Variants in SLC12A6 observed in about 807,000 individuals in gnomAD.
The protein encoded by SLC12A6 is K-Cl cotransporter 3.
A neutral mutation model predicts 135.3 loss-of-function variants in SLC12A6; 66 were observed. The ratio of observed to expected loss-of-function variants is 0.49; its 90% CI spans 0.40 to 0.60. The LOEUF (loss-of-function observed/expected upper bound fraction) is 0.60. Among genes scored for constraint, SLC12A6 ranks in the 20% least tolerant of loss-of-function variants. The pLI, the probability that SLC12A6 is intolerant of heterozygous loss-of-function variation, is 0.00. For synonymous variants in SLC12A6, 513 were observed against 508.8 expected, an observed-to-expected ratio of 1.01 and a Z score of -0.11; for missense variants, 1,058 against 1,452.3, an observed-to-expected ratio of 0.73 and a Z score of 4.41.
At chr15:34,307,053 G>T (rs1896648285) in intron 2 of SLC12A6, among the ~76,000 whole-genome samples, 1 of 152,160 alleles carries the variant, frequency 6.6e-6, no homozygotes, top group African/African-American at 2.4e-5. Flanking sequence ...AGAAACTTCT[G>T]GGGGTGACGA....
intron 3 of SLC12A6, among the ~76,000 whole-genome samples, chr15:34,261,416 C>G (rs1363616993): frequency 6.6e-6 from 1 of 152,110 alleles, no homozygotes; most frequent in African/African-American, 2.4e-5. Context: ...CCTGTCTCAG[C>G]CTTGAAGTAG....
At position 34,245,875 on chromosome 15, in the gene SLC12A6, A is replaced by G; in HGVS notation, c.1650-8T>C. 1 of 1,606,378 alleles carries G rather than the reference A, an allele frequency of 6.2e-7. No homozygotes were observed. Among genetic ancestry groups the G allele is most frequent in the South Asian group, 1.1e-5 (1 of 90,900 alleles). On this transcript the variant is annotated splice_polypyrimidine_tract_variant and splice_region_variant and intron_variant, in intron 13 of 25. Coordinates refer to ENST00000354181, the MANE Select transcript of SLC12A6 (RefSeq NM_001365088.1). ...TTCACAGCATCACCGAACCTGGGAAAGAAATAGGAGTGGGAAATTTAATCT... is the reference window on the plus strand; with the variant it reads ...TTCACAGCATCACCGAACCTGGGAAGGAAATAGGAGTGGGAAATTTAATCT...
intron 2 of SLC12A6, among the ~76,000 whole-genome samples, chr15:34,328,235 G>C (rs347834): frequency 0.26 from 39,441 of 151,990 alleles, 7,303 homozygotes; most frequent in African/African-American, 0.52. Context: ...AACTTCAGCC[G>C]TTACATTTTT....
Position 34,250,695 on chromosome 15 carries a change from C to T in SLC12A6, c.1527G>A (p.Leu509=), listed in dbSNP as rs754856999. The T allele has an allele frequency of 3.1e-6, 5 of 1,606,044 alleles. No individual in the cohort carries two copies. The highest frequency in any genetic ancestry group is 3.3e-5 in the Admixed American group (2 of 59,988). Residue 509 remains leucine, a synonymous_variant, in exon 12 of 26, where the codon CTG becomes CTA. Transcript: ENST00000354181. The part of the protein sequence containing the change: ...IMAGSNRSGD[L]KDAQKSIPIG... The stretch of plus-strand genomic sequence containing the variant: ...TCGGAATAGACTTCTGAGCATCTTT[C>T]AGATCTCCAGATCTGTTTGATCCAG...
intron 2 of SLC12A6, among the ~76,000 whole-genome samples, chr15:34,290,118 G>A (rs768452785): frequency 3.9e-5 from 6 of 152,180 alleles, no homozygotes; most frequent in Non-Finnish European, 7.3e-5. Flanking sequence ...GGCATTTAGT[G>A]CTACAAGTTT....
chr15:34,265,037 A>C (rs1007388505), intron 3 of SLC12A6, among the ~76,000 whole-genome samples: 1 of 152,152 alleles, frequency 6.6e-6, no homozygotes, highest in Non-Finnish European at 1.5e-5. Context: ...TCTACTAAAA[A>C]ATACAAAAAA....
chr15:34,334,422 G>A (rs1890068438), intron 2 of SLC12A6, among the ~76,000 whole-genome samples: 1 of 152,066 alleles, frequency 6.6e-6, no homozygotes, highest in Non-Finnish European at 1.5e-5. Context: ...AGCACCCTTT[G>A]AAGATCTACA....
intron 2 of SLC12A6, among the ~76,000 whole-genome samples, chr15:34,325,286 G>C (rs547477803): frequency 1.5e-4 from 23 of 152,222 alleles, no homozygotes; most frequent in South Asian, 1.5e-3. Context: ...CTGCAACTGA[G>C]ACAGGAAATA....
intron 13 of SLC12A6, among the ~76,000 whole-genome samples, chr15:34,246,450 T>G (rs1456569589): frequency 6.6e-6 from 1 of 152,200 alleles, no homozygotes; most frequent in African/African-American, 2.4e-5. Flanking sequence ...CACTGCACTA[T>G]AATTCTGTAT....
At chr15:34,268,800 T>G (rs551328590) in intron 3 of SLC12A6, among the ~76,000 whole-genome samples, 4 of 152,182 alleles carry the variant, frequency 2.6e-5, no homozygotes, top group Admixed American at 1.3e-4. Flanking sequence ...GAGACTGGCC[T>G]CAGTAATGGT....
chr15:34,259,800 T>C (rs143730713), intron 4 of SLC12A6, among the ~76,000 whole-genome samples: 175 of 152,346 alleles, frequency 1.1e-3, no homozygotes, highest in African/African-American at 3.9e-3. Context: ...AGATAAGATA[T>C]AGAAGTCCTC....
chr15:34,292,732 T>G (rs986178290), intron 2 of SLC12A6, among the ~76,000 whole-genome samples: 7 of 150,202 alleles, frequency 4.7e-5, no homozygotes, highest in African/African-American at 1.8e-4. Flanking sequence ...AGACGCCCCT[T>G]GCCCCACCAA....
intron 18 of SLC12A6, 187 bp from the exon 19 acceptor site, chr15:34,241,016 G>T: frequency 1.5e-6 from 1 of 659,778 alleles, no homozygotes; most frequent in Non-Finnish European, 2.7e-6. Context: ...ATCTCAAGTT[G>T]ATCAGTCTTC....
At chr15:34,266,240 A>G (rs1376361501) in intron 3 of SLC12A6, among the ~76,000 whole-genome samples, 4 of 152,136 alleles carry the variant, frequency 2.6e-5, no homozygotes. Flanking sequence ...GGAAAGAGAT[A>G]TATCAGGCAA....
intron 19 of SLC12A6, among the ~76,000 whole-genome samples, 159 bp from the exon 20 acceptor site, chr15:34,239,319 T>C (rs1393194747): frequency 6.6e-6 from 1 of 152,212 alleles, no homozygotes; most frequent in Non-Finnish European, 1.5e-5. Context: ...CCCAAAGGAA[T>C]TTCATGATCT....
rs1595597073 is a variant in SLC12A6 at position 34,336,392 on chromosome 15, G to A, written c.271+18C>T. The A allele has an allele frequency of 3.1e-6, 5 of 1,601,728 alleles. No individual in the cohort carries two copies. In the East Asian group the frequency reaches 1.1e-4, roughly 36 times the overall value. On this transcript the variant is annotated intron_variant, in intron 2 of 25. Coordinates refer to ENST00000354181, the MANE Select transcript of SLC12A6 (RefSeq NM_001365088.1). ...AACCCAGTAATGAAAGTATGCTGCG[G>A]TCTGTGTTTCTACTTACCCTCGATG...
chr15:34,322,142 T>C (rs1214265464), intron 2 of SLC12A6, among the ~76,000 whole-genome samples: 1 of 152,068 alleles, frequency 6.6e-6, no homozygotes, highest in Non-Finnish European at 1.5e-5. Context: ...TCCCAGCACT[T>C]TGGGAAGCTG....
intron 2 of SLC12A6, among the ~76,000 whole-genome samples, chr15:34,300,236 TGAA>T (rs1896148776): frequency 1.3e-5 from 2 of 150,450 alleles, no homozygotes; most frequent in African/African-American, 5.0e-5. Flanking sequence ...TAAGAACTTA[TGAA>T]GAAGAATATT....
rs1890849517 is a variant in SLC12A6, at chr15:34,230,456, C to T, written c.*3425G>A. On this transcript the variant is annotated 3_prime_UTR_variant, in exon 26 of 26. Coordinates refer to ENST00000354181, the MANE Select transcript of SLC12A6 (RefSeq NM_001365088.1). ...ACGGAAGATATATAGAGTGATCGTC[C>T]CCCTGCCGAAGGAACCTGGCACCTG... The T allele has an allele frequency of 6.6e-6, 1 of 152,364 alleles. No individual in the cohort carries two copies. Among genetic ancestry groups the T allele is most frequent in the South Asian group, 2.1e-4 (1 of 4,824 alleles). The allele number at this position is 152,364 out of a possible 1,614,324, so 9.4% of individuals were successfully genotyped here.
Sources: gnomAD v4.1 joint callset for allele counts (sites outside exome capture counted in the v4.1 genomes callset) on GRCh38, gnomAD v4.1.1 for gene constraint, MANE v1.5 for transcripts, NCBI Gene and HGNC (gene_info 2026-07-23, HGNC 2026-07-21) for gene names.